The following CUL5 variants were observed in gnomAD, a reference collection of about 807,000 sequenced individuals.
The protein encoded by CUL5 is cullin-5.
In CUL5, 26 loss-of-function variants were observed where a neutral mutation model predicts 108.8. That is an observed-to-expected ratio of 0.24 (90% confidence interval 0.18 to 0.33). The LOEUF is 0.33. Ranked by LOEUF, CUL5 falls within the 10% of genes least tolerant of loss-of-function variation. The probability of loss-of-function intolerance (pLI) is 1.00; values close to 1 mark genes in which losing one functional copy is unlikely to be tolerated. For synonymous variants in CUL5, 334 were observed against 298.0 expected, an observed-to-expected ratio of 1.12 and a Z score of -1.25; for missense variants, 524 against 909.2, an observed-to-expected ratio of 0.58 and a Z score of 5.45.
chr11:108,057,063 G>C (rs752305845), intron 7 of CUL5, among the ~76,000 whole-genome samples: 7 of 152,180 alleles, frequency 4.6e-5, no homozygotes, highest in Non-Finnish European at 8.8e-5. Flanking sequence ...AAATTGTTCT[G>C]ATCTCCTACT....
chr11:108,080,968 A>G (rs1247385731), intron 11 of CUL5, among the ~76,000 whole-genome samples: 1 of 144,038 alleles, frequency 6.9e-6, no homozygotes, highest in East Asian at 2.0e-4. Context: ...TTATTTATTT[A>G]TTTATTTATT....
At position 108,049,759 on chromosome 11, in the gene CUL5, A is replaced by T. The variant is rs978752474; in HGVS notation, c.235-131A>T. 7.3e-6 allele frequency: 5 copies of T among 687,078 alleles called. No homozygotes were observed. The African/African-American group carries it at 9.2e-5, about 13-fold the overall frequency. The allele number at this position is 687,078 out of a possible 1,614,324, so 42.6% of individuals were successfully genotyped here. On this transcript the variant is annotated intron_variant, in intron 3 of 18. Coordinates refer to ENST00000393094, the MANE Select transcript of CUL5 (RefSeq NM_003478.6). ...ACAAGTTTTTTTGTGAACATGTTTT[A>T]ATTTCTTTTGGATATAAGAGCTTGT...
At chr11:108,025,204 A>C (rs748633206) in intron 1 of CUL5, among the ~76,000 whole-genome samples, 7 of 152,254 alleles carry the variant, frequency 4.6e-5, no homozygotes, top group South Asian at 2.1e-4. Flanking sequence ...GGTCATATAG[A>C]ATATGTATAG....
intron 7 of CUL5, among the ~76,000 whole-genome samples, chr11:108,062,920 A>T (rs1278449052): frequency 6.6e-6 from 1 of 152,116 alleles, no homozygotes; most frequent in Non-Finnish European, 1.5e-5. Context: ...ATCTCAGCTC[A>T]CCGCAACCTC....
chr11:108,079,208 A>G (rs978111273), intron 11 of CUL5, among the ~76,000 whole-genome samples: 4 of 152,132 alleles, frequency 2.6e-5, no homozygotes, highest in African/African-American at 9.7e-5. Flanking sequence ...GATTCAAGCA[A>G]TTCTTCTGCC....
At chr11:108,023,578 G>A (rs1044895386) in intron 1 of CUL5, among the ~76,000 whole-genome samples, 3 of 152,094 alleles carry the variant, frequency 2.0e-5, no homozygotes, top group Non-Finnish European at 4.4e-5. Flanking sequence ...GGGACCCTTC[G>A]GGAGTCCATG....
intron 2 of CUL5, 80 bp from the exon 3 acceptor site, chr11:108,046,190 T>C (rs1011678814): frequency 2.0e-6 from 2 of 997,164 alleles, no homozygotes; most frequent in Admixed American, 2.3e-5. Flanking sequence ...CCATGGAAAC[T>C]GTACTGAAAT....
At chr11:108,067,886 TTTC>T (rs1340982350) in intron 7 of CUL5, among the ~76,000 whole-genome samples, 1 of 152,154 alleles carries the variant, frequency 6.6e-6, no homozygotes, top group African/African-American at 2.4e-5. Context: ...AAGGAAAGAG[TTTC>T]TTAACCATTT....
intron 11 of CUL5, among the ~76,000 whole-genome samples, chr11:108,084,725 AG>A (rs1161656990): frequency 5.3e-5 from 8 of 152,220 alleles, no homozygotes; most frequent in African/African-American, 1.9e-4. Flanking sequence ...TTAGCACATA[AG>A]GACTTTAATT....
At chr11:108,047,500 A>G (rs1443943799) in intron 3 of CUL5, among the ~76,000 whole-genome samples, 2 of 152,182 alleles carry the variant, frequency 1.3e-5, no homozygotes, top group African/African-American at 2.4e-5. Flanking sequence ...AGTTTTTTCT[A>G]TGTATGACTT....
At chr11:108,046,927 A>C (rs543289941) in intron 3 of CUL5, among the ~76,000 whole-genome samples, 5 of 152,228 alleles carry the variant, frequency 3.3e-5, no homozygotes, top group African/African-American at 1.2e-4. Context: ...GACACCTTGT[A>C]ATGTTGTTTC....
At chr11:108,033,444 C>T (rs1281452267) in intron 1 of CUL5, among the ~76,000 whole-genome samples, 1 of 152,180 alleles carries the variant, frequency 6.6e-6, no homozygotes, top group Non-Finnish European at 1.5e-5. Context: ...ACAGTCCCCT[C>T]CCTGAATTGC....
intron 4 of CUL5, among the ~76,000 whole-genome samples, chr11:108,050,647 C>A (rs1442510739): frequency 6.6e-6 from 1 of 152,210 alleles, no homozygotes; most frequent in Non-Finnish European, 1.5e-5. Flanking sequence ...GAATTACAGG[C>A]GTGAGCCACT....
Position 108,086,991 on chromosome 11 carries a change from C to T in CUL5, c.1179-1536C>T, listed in dbSNP as rs565852269. On this transcript the variant is annotated intron_variant, in intron 11 of 18. Coordinates refer to ENST00000393094, the MANE Select transcript of CUL5 (RefSeq NM_003478.6). ...TTTATTTTATTTTTTTCATTCCTCA[C>T]CTAACTGGTAGATGTTAGCCATTCT... is the stretch of plus-strand genomic sequence containing the variant. 3.3e-5 allele frequency among the ~76,000 whole-genome samples: 5 copies of T among 152,068 alleles called. 1 individual carries two copies. Among genetic ancestry groups the T allele is most frequent in the African/African-American group, 1.2e-4 (5 of 41,474 alleles).
intron 1 of CUL5, among the ~76,000 whole-genome samples, chr11:108,026,448 A>G (rs1862453233): frequency 6.6e-6 from 1 of 152,140 alleles, no homozygotes; most frequent in Admixed American, 6.6e-5. Context: ...GGGAAATTAA[A>G]GCAATAAAAT....
intron 13 of CUL5, among the ~76,000 whole-genome samples, chr11:108,093,965 A>G (rs925458740): frequency 1.3e-5 from 2 of 152,234 alleles, no homozygotes; most frequent in Non-Finnish European, 2.9e-5. Context: ...AGCCTCCCAA[A>G]GTGCTAGGAT....
chr11:108,063,848 A>C (rs1316516592), intron 7 of CUL5, among the ~76,000 whole-genome samples: 2 of 151,988 alleles, frequency 1.3e-5, no homozygotes, highest in Non-Finnish European at 2.9e-5. Flanking sequence ...TTACATTCCC[A>C]CCATCATTAT....
At chr11:108,053,668 G>A (rs1299214330) in intron 5 of CUL5, among the ~76,000 whole-genome samples, 1 of 148,678 alleles carries the variant, frequency 6.7e-6, no homozygotes, top group Non-Finnish European at 1.5e-5. Context: ...CCCTTAAGTG[G>A]TATACCATGC....
In CUL5 at chr11:108,081,286, TCAA is replaced by T. The variant is rs553258015; in HGVS notation, c.1178+3059_1178+3061del. ...CTGGGTGACAGAGTGAGACTTCGTC[TCAA>T]CAACAACAACAAGAAAGAGTTTTAT... On this transcript the variant is annotated intron_variant, in intron 11 of 18. Transcript: ENST00000393094. 1.6e-3 allele frequency among the ~76,000 whole-genome samples: 240 copies of T among 152,246 alleles called. 6 individuals carry two copies. The South Asian group carries it at 0.034, about 22-fold the overall frequency.
Sources: allele counts gnomAD v4.1 joint callset (sites outside exome capture counted in the v4.1 genomes callset), GRCh38; gene constraint gnomAD v4.1.1; transcripts MANE v1.5; gene names NCBI Gene and HGNC (gene_info 2026-07-23, HGNC 2026-07-21).